MAML2: variants seen among roughly 807,000 people sequenced by gnomAD.
MAML2 encodes mastermind-like protein 2.
In MAML2, 22 loss-of-function variants were observed where a neutral mutation model predicts 96.1. The ratio of observed to expected loss-of-function variants is 0.23; its 90% confidence interval spans 0.16 to 0.33. The LOEUF is 0.33. MAML2 is among the 10% of genes least tolerant of loss of function. The pLI is 1.00. For missense variants in MAML2, 1,367 were observed against 1,392.4 expected, an observed-to-expected ratio of 0.98 and a Z score of 0.29; for synonymous variants, 561 against 521.3, an observed-to-expected ratio of 1.08 and a Z score of -1.04.
chr11:96,187,429 C>T (rs1282208222), intron 1 of MAML2, among the ~76,000 whole-genome samples: 2 of 152,226 alleles, frequency 1.3e-5, no homozygotes, highest in Non-Finnish European at 2.9e-5. Flanking sequence ...CGTAGCTTCA[C>T]TTAAGGAATC....
At chr11:96,007,654 A>G (rs555568563) in intron 2 of MAML2, among the ~76,000 whole-genome samples, 1 of 151,950 alleles carries the variant, frequency 6.6e-6, no homozygotes, top group African/African-American at 2.4e-5. Flanking sequence ...TTAAGTATAT[A>G]TTTGTTGTTA....
intron 2 of MAML2, among the ~76,000 whole-genome samples, chr11:96,000,386 G>A (rs1184967883): frequency 6.6e-6 from 1 of 152,126 alleles, no homozygotes; most frequent in Non-Finnish European, 1.5e-5. Context: ...ATATGCCTGT[G>A]GCTGCTTTCC....
At chr11:96,111,216 A>G (rs1179160466) in intron 1 of MAML2, among the ~76,000 whole-genome samples, 1 of 152,152 alleles carries the variant, frequency 6.6e-6, no homozygotes, top group Non-Finnish European at 1.5e-5. Flanking sequence ...TTAAACTTTC[A>G]ATATCATTAA....
chr11:96,146,555 A>C (rs1224140302), intron 1 of MAML2, among the ~76,000 whole-genome samples: 1 of 152,154 alleles, frequency 6.6e-6, no homozygotes, highest in Non-Finnish European at 1.5e-5. Context: ...CAGCATCTTC[A>C]ACTGTGTGAG....
intron 2 of MAML2, among the ~76,000 whole-genome samples, chr11:95,996,320 C>T (rs1263564033): frequency 6.6e-6 from 1 of 152,066 alleles, no homozygotes; most frequent in Non-Finnish European, 1.5e-5. Context: ...TCTGGAAAAC[C>T]AACCTTTTCT....
At chr11:96,087,205 G>T (rs778337646) in intron 2 of MAML2, among the ~76,000 whole-genome samples, 1 of 152,154 alleles carries the variant, frequency 6.6e-6, no homozygotes. Context: ...ACAGAATAAC[G>T]ACAGAAGAAC....
At chr11:96,205,900 G>C (rs1463789610) in intron 1 of MAML2, among the ~76,000 whole-genome samples, 3 of 152,130 alleles carry the variant, frequency 2.0e-5, no homozygotes, top group Non-Finnish European at 4.4e-5. Context: ...TCTGCACTTT[G>C]TTTTCAAACT....
rs1422920862 is a variant in MAML2 at position 96,092,192 on chromosome 11, T to C, written c.1839A>G (p.Gln613=). ...QQQQQQQQQQ[Q]QQQQQQQQSS... ...TCTGCTGTTGCTGTTGCTGTTGCTG[T>C]TGCTGCTGCTGCTGCTGTTGCTGCT... The change falls in exon 2 of 5, where the codon CAA becomes CAG. Residue 613 remains glutamine (Q), a synonymous_variant. Coordinates refer to ENST00000524717, the MANE Select transcript of MAML2 (RefSeq NM_032427.4). The surrounding 1 kb of genome is among the most constrained non-coding windows in gnomAD (Gnocchi z 4.1). 1.0e-5 allele frequency: 16 copies of C among 1,536,562 alleles called. No individual in the cohort carries two copies. The highest frequency in any genetic ancestry group is 2.8e-5 in the African/African-American group (2 of 70,444).
intron 1 of MAML2, among the ~76,000 whole-genome samples, chr11:96,254,071 T>C (rs1230755594): frequency 6.6e-6 from 1 of 152,224 alleles, no homozygotes; most frequent in East Asian, 1.9e-4. Context: ...TCTGGGAGAA[T>C]TTTGACAGGT....
Position 96,147,961 on chromosome 11 carries a change from G to A in MAML2, c.514-54444C>T, listed in dbSNP as rs77575980. Among the ~76,000 whole-genome samples the A allele has an allele frequency of 5.6e-3, 850 of 152,222 alleles. 13 individuals carry two copies. The highest frequency in any genetic ancestry group is 0.019 in the African/African-American group (805 of 41,506). ...CTGAAAGAACAGTCAGGGGCTTTAG[G>A]CATAATGAAAATGAGGAGTAAAATG... is the stretch of plus-strand genomic sequence containing the variant. On this transcript the variant is annotated intron_variant, in intron 1 of 4. Coordinates refer to ENST00000524717, the MANE Select transcript of MAML2 (RefSeq NM_032427.4).
intron 2 of MAML2, among the ~76,000 whole-genome samples, chr11:96,038,033 T>C (rs1169303211): frequency 6.6e-6 from 1 of 152,194 alleles, no homozygotes; most frequent in Non-Finnish European, 1.5e-5. Context: ...ATTGTAATAT[T>C]CTGGCATCTA....
intron 2 of MAML2, among the ~76,000 whole-genome samples, chr11:96,090,337 AT>A (rs1859683716): frequency 6.6e-6 from 1 of 152,200 alleles, no homozygotes; most frequent in East Asian, 1.9e-4. Flanking sequence ...TTCCATAATC[AT>A]TATAGTAATC....
At chr11:96,005,236 A>T (rs140209286) in intron 2 of MAML2, among the ~76,000 whole-genome samples, 24 of 150,362 alleles carry the variant, frequency 1.6e-4, no homozygotes, top group Non-Finnish European at 3.1e-4. Flanking sequence ...ATTTATTTTA[A>T]CTATTATCTG....
chr11:96,044,284 T>C (rs1020498375), intron 2 of MAML2, among the ~76,000 whole-genome samples: 5 of 152,214 alleles, frequency 3.3e-5, no homozygotes, highest in African/African-American at 4.8e-5. Context: ...CATGGTTGCA[T>C]GGATGCCTTA....
chr11:96,076,702 C>A (rs1027506591), intron 2 of MAML2, among the ~76,000 whole-genome samples: 1 of 152,180 alleles, frequency 6.6e-6, no homozygotes, highest in African/African-American at 2.4e-5. Context: ...GGGTCTCCCA[C>A]ACCCCACAAC....
At chr11:96,339,407 G>C (rs112751690) in intron 1 of MAML2, among the ~76,000 whole-genome samples, 1 of 152,274 alleles carries the variant, frequency 6.6e-6, no homozygotes, top group East Asian at 1.9e-4. Context: ...GAAAAAAAAG[G>C]CTGTCTCAGC....
chr11:96,149,108 G>A (rs1456048965), intron 1 of MAML2, among the ~76,000 whole-genome samples: 1 of 152,092 alleles, frequency 6.6e-6, no homozygotes, highest in Non-Finnish European at 1.5e-5. Flanking sequence ...CGGTATCACA[G>A]AAGCTCTTCA....
At chr11:96,026,105 C>T (rs1181014471) in intron 2 of MAML2, among the ~76,000 whole-genome samples, 1 of 152,098 alleles carries the variant, frequency 6.6e-6, no homozygotes, top group African/African-American at 2.4e-5. Flanking sequence ...GAGTAACTAG[C>T]CCCAGTTAGA....
chr11:96,027,372 TA>T (rs1858542446), intron 2 of MAML2, among the ~76,000 whole-genome samples: 1 of 152,230 alleles, frequency 6.6e-6, no homozygotes, highest in African/African-American at 2.4e-5. Context: ...AGTAGTTAAG[TA>T]AGTTCTCAAG....
Sources: allele counts gnomAD v4.1 joint callset (sites outside exome capture counted in the v4.1 genomes callset), GRCh38; gene constraint gnomAD v4.1.1; non-coding constraint Gnocchi (gnomAD v3.1); transcripts MANE v1.5; gene names NCBI Gene and HGNC (gene_info 2026-07-23, HGNC 2026-07-21).